Variants in CACNB4 observed in about 807,000 individuals in gnomAD.
CACNB4 encodes the protein voltage-dependent L-type calcium channel subunit beta-4.
A neutral mutation model predicts 71.2 loss-of-function variants in CACNB4; 32 were observed. That is an observed-to-expected ratio of 0.45 (90% confidence interval 0.34 to 0.60). The LOEUF (loss-of-function observed/expected upper bound fraction) is 0.60. CACNB4 is among the 20% of genes least tolerant of loss of function. The probability of loss-of-function intolerance (pLI) is 0.01; values close to 1 mark genes in which losing one functional copy is unlikely to be tolerated. For synonymous variants in CACNB4, 231 were observed against 236.9 expected, an observed-to-expected ratio of 0.97 and a Z score of 0.23; for missense variants, 464 against 647.9, an observed-to-expected ratio of 0.72 and a Z score of 3.08.
intron 2 of CACNB4, among the ~76,000 whole-genome samples, chr2:151,925,517 T>C (rs768004418): frequency 1.3e-5 from 2 of 152,200 alleles, no homozygotes; most frequent in Non-Finnish European, 2.9e-5. Flanking sequence ...AAGTCACTTA[T>C]AGGAAAACAT....
At chr2:151,922,466 G>A (rs545335560) in intron 2 of CACNB4, among the ~76,000 whole-genome samples, 2 of 152,216 alleles carry the variant, frequency 1.3e-5, no homozygotes, top group African/African-American at 2.4e-5. Context: ...ACCTCCCAAA[G>A]TGCTGGGATT....
chr2:152,078,020 G>C (rs1687137518), intron 2 of CACNB4, among the ~76,000 whole-genome samples: 1 of 152,174 alleles, frequency 6.6e-6, no homozygotes, highest in African/African-American at 2.4e-5. Flanking sequence ...GGTCAGAAGA[G>C]AGACGGCGGT....
intron 3 of CACNB4, among the ~76,000 whole-genome samples, chr2:151,882,826 T>A (rs573402459): frequency 3.3e-5 from 5 of 152,196 alleles, no homozygotes; most frequent in Non-Finnish European, 7.3e-5. Context: ...TGAGGTGGGA[T>A]ACTGAAAGCG....
At chr2:152,074,731 T>C (rs1686913224) in intron 2 of CACNB4, among the ~76,000 whole-genome samples, 1 of 133,036 alleles carries the variant, frequency 7.5e-6, no homozygotes, top group African/African-American at 2.8e-5. Flanking sequence ...CATCACCCCC[T>C]CACCATTACC....
intron 2 of CACNB4, among the ~76,000 whole-genome samples, chr2:151,981,476 A>G (rs1339301158): frequency 2.0e-5 from 3 of 152,182 alleles, no homozygotes; most frequent in East Asian, 1.9e-4. Context: ...GATGTCAGGA[A>G]TTCAGGTCTG....
At chr2:152,023,451 TCAGA>T (rs1683789556) in intron 2 of CACNB4, among the ~76,000 whole-genome samples, 7 of 151,272 alleles carry the variant, frequency 4.6e-5, no homozygotes, top group African/African-American at 1.5e-4. Flanking sequence ...TTTTTTTTGG[TCAGA>T]CAAAGTCTCA....
chr2:151,975,118 A>C (rs942537459), intron 2 of CACNB4, among the ~76,000 whole-genome samples: 1 of 152,170 alleles, frequency 6.6e-6, no homozygotes, highest in African/African-American at 2.4e-5. Context: ...AGAACTCTGC[A>C]AATCTAAAGT....
chr2:151,841,289 G>C (rs1197430263), intron 13 of CACNB4, among the ~76,000 whole-genome samples: 1 of 152,176 alleles, frequency 6.6e-6, no homozygotes, highest in Non-Finnish European at 1.5e-5. Context: ...AAGTAATGGA[G>C]GGGCCAGGAG....
intron 5 of CACNB4, 193 bp from the exon 6 acceptor site, chr2:151,872,686 C>T (rs1335412563): frequency 1.3e-5 from 6 of 464,402 alleles, no homozygotes; most frequent in African/African-American, 2.1e-5. Context: ...GAGAACTAGC[C>T]GAGACCTGGA....
intron 2 of CACNB4, among the ~76,000 whole-genome samples, chr2:151,962,262 C>T (rs936641683): frequency 2.0e-5 from 3 of 152,192 alleles, no homozygotes; most frequent in South Asian, 2.1e-4. Context: ...TATAACCACA[C>T]CCTTTCTGGG....
intron 2 of CACNB4, among the ~76,000 whole-genome samples, chr2:151,962,295 G>T (rs1047007444): frequency 6.6e-6 from 1 of 152,144 alleles, no homozygotes; most frequent in Admixed American, 6.5e-5. Flanking sequence ...AGCCATGGGG[G>T]TACAGCACTA....
chr2:151,917,391 G>C (rs549520726), intron 2 of CACNB4, among the ~76,000 whole-genome samples: 1 of 152,128 alleles, frequency 6.6e-6, no homozygotes, highest in Non-Finnish European at 1.5e-5. Context: ...AGGTGAGCTC[G>C]GGTCTAGACA....
intron 2 of CACNB4, among the ~76,000 whole-genome samples, chr2:151,966,256 G>GTTCT (rs1168153541): frequency 5.5e-5 from 8 of 144,452 alleles, no homozygotes; most frequent in African/African-American, 1.7e-4. Flanking sequence ...AACTCCCAGC[G>GTTCT]TTCTTTCTTT....
intron 2 of CACNB4, among the ~76,000 whole-genome samples, chr2:152,016,537 T>C (rs1299947776): frequency 1.3e-5 from 2 of 152,196 alleles, no homozygotes; most frequent in Non-Finnish European, 2.9e-5. Flanking sequence ...GCTAAACCAA[T>C]CTATTAAAAA....
intron 9 of CACNB4, among the ~76,000 whole-genome samples, chr2:151,862,051 T>C (rs1578506286): frequency 6.6e-6 from 1 of 152,164 alleles, no homozygotes; most frequent in East Asian, 1.9e-4. Context: ...TGGGCCTTTC[T>C]CCATTCTCAT....
chr2:151,985,675 CTTTTT>C (rs11329675), intron 2 of CACNB4, among the ~76,000 whole-genome samples: 1 of 142,080 alleles, frequency 7.0e-6, no homozygotes, highest in Admixed American at 7.0e-5. Context: ...CCTTAATTTT[CTTTTT>C]TTTTTTTTTG....
intron 2 of CACNB4, among the ~76,000 whole-genome samples, chr2:151,928,936 A>G (rs1229144716): frequency 6.6e-6 from 1 of 151,940 alleles, no homozygotes; most frequent in Non-Finnish European, 1.5e-5. Flanking sequence ...AAAAAACATA[A>G]TGCAAATGGA....
At chr2:151,887,813 A>C (rs958262797) in intron 2 of CACNB4, among the ~76,000 whole-genome samples, 2 of 152,176 alleles carry the variant, frequency 1.3e-5, no homozygotes, top group Non-Finnish European at 1.5e-5. Context: ...ATGAAACATC[A>C]TTTCTTTTTC....
At chr2:152,021,670 G>A (rs1208416102) in intron 2 of CACNB4, among the ~76,000 whole-genome samples, 1 of 152,112 alleles carries the variant, frequency 6.6e-6, no homozygotes, top group Non-Finnish European at 1.5e-5. Flanking sequence ...GTAAATCAAT[G>A]ATGCTTTATC....
Sources: gnomAD v4.1 joint callset for allele counts (sites outside exome capture counted in the v4.1 genomes callset) on GRCh38, gnomAD v4.1.1 for gene constraint, MANE v1.5 for transcripts, NCBI Gene and HGNC (gene_info 2026-07-23, HGNC 2026-07-21) for gene names.